Variants in MCTP1 observed in about 807,000 individuals in gnomAD.
MCTP1 encodes the protein multiple C2 and transmembrane domain containing 1.
A neutral mutation model predicts 120.6 loss-of-function variants in MCTP1; 69 were observed. The ratio of observed to expected loss-of-function variants is 0.57; its 90% CI spans 0.47 to 0.70. The LOEUF is 0.70. MCTP1 is among the 30% of genes least tolerant of loss of function. MCTP1 has a pLI of 0.00. For synonymous variants in MCTP1, 529 were observed against 493.1 expected (o/e 1.07, Z -0.96); for missense variants, 1,203 against 1,248.8 (o/e 0.96, Z 0.55).
intron 17 of MCTP1, among the ~76,000 whole-genome samples, chr5:94,813,106 A>T (rs1783787709): frequency 6.6e-6 from 1 of 152,224 alleles, no homozygotes; most frequent in Admixed American, 6.5e-5. Context: ...TATTCAGAGT[A>T]TGTAGAGTAC....
At chr5:94,713,884 G>T (rs1351537026) in intron 20 of MCTP1, among the ~76,000 whole-genome samples, 1 of 152,062 alleles carries the variant, frequency 6.6e-6, no homozygotes, top group East Asian at 1.9e-4. Flanking sequence ...GTATGCCCAA[G>T]GATTCAAATC....
chr5:94,818,653 G>T lies in MCTP1; in HGVS notation c.2437-19521C>A, dbSNP rs186350954. On this transcript the variant is annotated intron_variant, in intron 17 of 22. Transcript: ENST00000515393. ...CTTTCTCTTCTACAGTCAGGAAAGAGAAGAGACTGCAACCATGTGGTAGAA... is the reference window on the plus strand; with the variant it reads ...CTTTCTCTTCTACAGTCAGGAAAGATAAGAGACTGCAACCATGTGGTAGAA... Among the ~76,000 whole-genome samples the T allele has an allele frequency of 2.6e-5, 4 of 152,298 alleles. No individual in the cohort carries two copies. The East Asian group carries it at 7.7e-4, about 29-fold the overall frequency.
rs1396813918 is a variant in MCTP1 at position 95,032,500 on chromosome 5, A to G, written c.721-15016T>C. Among the ~76,000 whole-genome samples the G allele has an allele frequency of 5.3e-5, 8 of 152,222 alleles. No individual in the cohort carries two copies. The East Asian group carries it at 1.4e-3, about 26-fold the overall frequency. On this transcript the variant is annotated intron_variant, in intron 1 of 22. Coordinates refer to ENST00000515393, the MANE Select transcript of MCTP1 (RefSeq NM_024717.7). ...TGTTTCCGAAGAACTTTGGGTAAACAACAAAGTTAAGATGGAAATAAAAAA... is the reference window on the plus strand; with the variant it reads ...TGTTTCCGAAGAACTTTGGGTAAACGACAAAGTTAAGATGGAAATAAAAAA...
chr5:94,830,249 G>T (rs1788210315), intron 17 of MCTP1, among the ~76,000 whole-genome samples: 1 of 152,194 alleles, frequency 6.6e-6, no homozygotes, highest in South Asian at 2.1e-4. Flanking sequence ...AAGGGTGAAT[G>T]TTAGAAACTC....
intron 1 of MCTP1, among the ~76,000 whole-genome samples, chr5:95,136,478 GA>G: frequency 6.6e-6 from 1 of 152,226 alleles, no homozygotes; most frequent in Non-Finnish European, 1.5e-5. Flanking sequence ...AAGGAAGATG[GA>G]AAACGGGAAG....
At chr5:95,059,451 A>C (rs1291981957) in intron 1 of MCTP1, among the ~76,000 whole-genome samples, 5 of 152,128 alleles carry the variant, frequency 3.3e-5, no homozygotes, top group Non-Finnish European at 7.4e-5. Flanking sequence ...TGAAAAACTA[A>C]CTATTGGATA....
At chr5:94,969,330 T>C (rs1485915004) in intron 2 of MCTP1, among the ~76,000 whole-genome samples, 1 of 152,162 alleles carries the variant, frequency 6.6e-6, no homozygotes, top group Non-Finnish European at 1.5e-5. Flanking sequence ...AAACACAGCA[T>C]ACACAAGATG....
intron 2 of MCTP1, among the ~76,000 whole-genome samples, chr5:95,002,136 T>C (rs542794711): frequency 4.2e-4 from 64 of 152,308 alleles, no homozygotes; most frequent in African/African-American, 1.1e-3. Flanking sequence ...AAGTCAAGAA[T>C]TGACGTTTGA....
chr5:95,140,901 A>G (rs982244737), intron 1 of MCTP1, among the ~76,000 whole-genome samples: 1 of 150,100 alleles, frequency 6.7e-6, no homozygotes, highest in Non-Finnish European at 1.5e-5. Context: ...AAAAAAAAAA[A>G]AAAGTGCCAT....
intron 18 of MCTP1, among the ~76,000 whole-genome samples, chr5:94,782,728 A>G (rs576182418): frequency 6.6e-6 from 1 of 152,082 alleles, no homozygotes; most frequent in African/African-American, 2.4e-5. Context: ...TAAGCACTAC[A>G]TCGTTTTGTT....
chr5:94,917,016 A>G (rs1810244810), intron 8 of MCTP1, among the ~76,000 whole-genome samples: 1 of 152,204 alleles, frequency 6.6e-6, no homozygotes, highest in African/African-American at 2.4e-5. Flanking sequence ...AAATTTACTG[A>G]TTAGGGAAGC....
At chr5:94,908,846 T>C (rs1561840446) in intron 10 of MCTP1, among the ~76,000 whole-genome samples, 2 of 152,076 alleles carry the variant, frequency 1.3e-5, no homozygotes, top group African/African-American at 2.4e-5. Flanking sequence ...ACAAGCATTC[T>C]CTACCTTGTA....
At chr5:94,910,695 T>C (rs190594066) in intron 9 of MCTP1, among the ~76,000 whole-genome samples, 13 of 152,316 alleles carry the variant, frequency 8.5e-5, no homozygotes, top group Admixed American at 5.9e-4. Flanking sequence ...AAATAAGTAA[T>C]GTTTTTAGCC....
rs528445516 is a variant in MCTP1 at position 95,152,969 on chromosome 5, G to A, written c.720+130887C>T. On this transcript the variant is annotated intron_variant, in intron 1 of 22. Transcript: ENST00000515393. ...GCACAGAGTAAGGATATGGGCATGT[G>A]GTCCTGTAAAACCATCACTTCCATT... Among the ~76,000 whole-genome samples, 7 of 152,218 alleles carry A rather than the reference G, an allele frequency of 4.6e-5. No homozygotes were observed. The South Asian group carries it at 1.4e-3, about 32-fold the overall frequency.
chr5:95,206,317 G>A (rs1301101268), intron 1 of MCTP1, among the ~76,000 whole-genome samples: 3 of 152,146 alleles, frequency 2.0e-5, no homozygotes, highest in Non-Finnish European at 4.4e-5. Flanking sequence ...AAACAATAGT[G>A]ACAGAACACA....
intron 2 of MCTP1, among the ~76,000 whole-genome samples, chr5:95,005,768 TTA>T (rs1201429929): frequency 0.13 from 1,467 of 11,484 alleles, 19 homozygotes; most frequent in East Asian, 0.43. Flanking sequence ...TTTTCTTTCT[TTA>T]TTTTTTTTTT....
chr5:94,829,620 G>A (rs903917729), intron 17 of MCTP1, among the ~76,000 whole-genome samples: 2 of 151,978 alleles, frequency 1.3e-5, no homozygotes, highest in Non-Finnish European at 2.9e-5. Flanking sequence ...AACAGGATGG[G>A]AATAGAAGGA....
Position 95,206,797 on chromosome 5 carries a change from A to T in MCTP1, c.720+77059T>A, listed in dbSNP as rs145295944. On this transcript the variant is annotated intron_variant, in intron 1 of 22. Coordinates refer to ENST00000515393, the MANE Select transcript of MCTP1 (RefSeq NM_024717.7). ...GTGATCCACCCCCCTCGGCCTCCCA[A>T]AGTGCTGGGATTAAAGGCGTGAGCC... Among the ~76,000 whole-genome samples the T allele has an allele frequency of 2.1e-3, 326 of 152,246 alleles. 1 individual carries two copies. The highest frequency in any genetic ancestry group is 7.0e-3 in the African/African-American group (291 of 41,552).
chr5:95,170,958 G>A lies in MCTP1; in HGVS notation c.720+112898C>T, dbSNP rs148176191. ...GTGAATTTGATCCTGTCATTATGACGTTAGCTGGTTATTCTGCTCTTTAGT... is the reference window on the plus strand; with the variant it reads ...GTGAATTTGATCCTGTCATTATGACATTAGCTGGTTATTCTGCTCTTTAGT... On this transcript the variant is annotated intron_variant, in intron 1 of 22. Transcript: ENST00000515393. 2.2e-3 allele frequency among the ~76,000 whole-genome samples: 330 copies of A among 151,906 alleles called. 6 individuals carry two copies. The East Asian group carries it at 0.051, about 24-fold the overall frequency.
Sources: allele counts gnomAD v4.1 joint callset (sites outside exome capture counted in the v4.1 genomes callset), GRCh38; gene constraint gnomAD v4.1.1; transcripts MANE v1.5; gene names NCBI Gene and HGNC (gene_info 2026-07-23, HGNC 2026-07-21).